Variants in ANKS1B observed in about 807,000 individuals in gnomAD.
ANKS1B encodes the protein ankyrin repeat and sterile alpha motif domain-containing protein 1B.
In ANKS1B, 36 loss-of-function variants were observed where a neutral mutation model predicts 148.3. That is an observed-to-expected ratio of 0.24 (90% CI 0.19 to 0.32). The LOEUF (loss-of-function observed/expected upper bound fraction) is 0.32, where lower values mean the gene tolerates loss of function less well. ANKS1B is among the 10% of genes least tolerant of loss of function. The pLI, the probability that ANKS1B is intolerant of heterozygous loss-of-function variation, is 1.00. For missense variants in ANKS1B, 1,157 were observed against 1,542.6 expected (o/e 0.75, Z 4.19); for synonymous variants, 542 against 560.8 (o/e 0.97, Z 0.47).
intron 15 of ANKS1B, among the ~76,000 whole-genome samples, chr12:99,088,056 T>G (rs1455149770): frequency 6.6e-6 from 1 of 152,168 alleles, no homozygotes; most frequent in East Asian, 1.9e-4. Context: ...TTGCCAAACA[T>G]TTTTGAAAAA....
chr12:99,779,759 T>C (rs2064062645), intron 6 of ANKS1B, 112 bp downstream of exon 6: 2 of 752,282 alleles, frequency 2.7e-6, no homozygotes, highest in South Asian at 1.6e-5. Context: ...AAAATAAAAC[T>C]AGTAAGTTTG....
intron 8 of ANKS1B, among the ~76,000 whole-genome samples, chr12:99,717,361 G>A (rs1415282163): frequency 6.6e-6 from 1 of 152,176 alleles, no homozygotes; most frequent in East Asian, 1.9e-4. Flanking sequence ...TCCACTGTGA[G>A]ACAAACCCCA....
chr12:98,855,498 C>T (rs757120913), intron 17 of ANKS1B, among the ~76,000 whole-genome samples: 3 of 152,062 alleles, frequency 2.0e-5, no homozygotes, highest in African/African-American at 2.4e-5. Context: ...TTTAATTTTA[C>T]GATGTTAAAA....
At position 99,895,044 on chromosome 12, in the gene ANKS1B, A is replaced by G. The variant is rs11110095; in HGVS notation, c.135-69655T>C. 5.4e-3 allele frequency among the ~76,000 whole-genome samples: 820 copies of G among 151,088 alleles called. 15 individuals are homozygous for G. Among genetic ancestry groups the G allele is most frequent in the African/African-American group, 0.019 (783 of 41,404 alleles). ...GTATAATAGTTAATTTTATATGTCA[A>G]TTTGGCTGATCCACAGTGCCCAGAT... On this transcript the variant is annotated intron_variant, in intron 1 of 26. Coordinates refer to ENST00000683438, the MANE Select transcript of ANKS1B (RefSeq NM_001352186.2).
intron 9 of ANKS1B, among the ~76,000 whole-genome samples, chr12:99,628,025 G>A (rs769996808): frequency 1.2e-4 from 19 of 152,164 alleles, no homozygotes; most frequent in Admixed American, 5.9e-4. Context: ...TGATTTCATC[G>A]TTGTATCAGC....
intron 12 of ANKS1B, among the ~76,000 whole-genome samples, chr12:99,251,594 C>T (rs564139391): frequency 1.3e-5 from 2 of 152,246 alleles, no homozygotes; most frequent in East Asian, 3.9e-4. Context: ...GCATCATTAG[C>T]ATTTCAAAGA....
intron 4 of ANKS1B, among the ~76,000 whole-genome samples, chr12:99,786,018 C>G (rs908688518): frequency 6.6e-6 from 1 of 152,122 alleles, no homozygotes; most frequent in African/African-American, 2.4e-5. Context: ...GGGGCATGAA[C>G]ATTTTATTTT....
intron 11 of ANKS1B, among the ~76,000 whole-genome samples, chr12:99,431,942 T>A (rs2095381168): frequency 1.3e-5 from 2 of 152,164 alleles, no homozygotes; most frequent in Admixed American, 6.6e-5. Flanking sequence ...AGATCTCTCA[T>A]GAATGGCTTG....
At chr12:98,872,729 C>T (rs1476503742) in intron 17 of ANKS1B, among the ~76,000 whole-genome samples, 2 of 152,088 alleles carry the variant, frequency 1.3e-5, no homozygotes, top group South Asian at 2.1e-4. Flanking sequence ...CGTGCTGATA[C>T]CTTGATCAGC....
At chr12:99,731,175 G>A (rs1195842649) in intron 8 of ANKS1B, among the ~76,000 whole-genome samples, 1 of 150,982 alleles carries the variant, frequency 6.6e-6, no homozygotes, top group African/African-American at 2.4e-5. Flanking sequence ...CTGGAGTGCA[G>A]TGGCACGATC....
At position 99,574,065 on chromosome 12, in the gene ANKS1B, T is replaced by C. The variant is rs1407767909; in HGVS notation, c.1273-69424A>G. Reference sequence around the variant, plus strand: ...TTTACAGGAATTGCCTTGACCAACATGACACCACACATCCAGTGTTTTGTC... The same window carrying C: ...TTTACAGGAATTGCCTTGACCAACACGACACCACACATCCAGTGTTTTGTC... On this transcript the variant is annotated intron_variant, in intron 9 of 26. Transcript: ENST00000683438. Among the ~76,000 whole-genome samples the C allele has an allele frequency of 3.3e-5, 5 of 152,246 alleles. No homozygotes were observed. In the South Asian group the frequency reaches 8.3e-4, roughly 25 times the overall value.
intron 14 of ANKS1B, among the ~76,000 whole-genome samples, chr12:99,215,889 G>A (rs1400775279): frequency 6.6e-6 from 1 of 152,150 alleles, no homozygotes; most frequent in African/African-American, 2.4e-5. Flanking sequence ...TGTTGGGAAG[G>A]CAAAATGGTT....
At chr12:99,322,557 A>G (rs1384334353) in intron 12 of ANKS1B, among the ~76,000 whole-genome samples, 2 of 152,092 alleles carry the variant, frequency 1.3e-5, no homozygotes, top group Non-Finnish European at 1.5e-5. Flanking sequence ...AAAACAAAAC[A>G]AAAAACAATA....
chr12:99,522,309 C>T (rs926662391), intron 9 of ANKS1B, among the ~76,000 whole-genome samples: 1 of 152,112 alleles, frequency 6.6e-6, no homozygotes, highest in African/African-American at 2.4e-5. Context: ...ATTTACAGCT[C>T]CAATGGGAAT....
Position 99,441,011 on chromosome 12 carries a change from T to C in ANKS1B, c.1575+2662A>G, listed in dbSNP as rs180964454. 1.8e-4 allele frequency among the ~76,000 whole-genome samples: 28 copies of C among 152,024 alleles called. 1 individual carries two copies. Among genetic ancestry groups the C allele is most frequent in the Admixed American group, 1.3e-3 (20 of 15,228 alleles). On this transcript the variant is annotated intron_variant, in intron 11 of 26. Coordinates refer to ENST00000683438, the MANE Select transcript of ANKS1B (RefSeq NM_001352186.2). Reference sequence around the variant, plus strand: ...TAAATTCATGAATAAGGGTCACATTTACATTTTTATTTTCAAAGTTCAACA... The same window carrying C: ...TAAATTCATGAATAAGGGTCACATTCACATTTTTATTTTCAAAGTTCAACA...
chr12:99,961,015 G>A (rs2095404342), intron 1 of ANKS1B, among the ~76,000 whole-genome samples: 2 of 152,140 alleles, frequency 1.3e-5, no homozygotes, highest in African/African-American at 2.4e-5. Flanking sequence ...ATCATCTGAG[G>A]TCAGGAATTC....
chr12:99,755,855 C>T (rs1170729812), intron 8 of ANKS1B, among the ~76,000 whole-genome samples: 1 of 151,830 alleles, frequency 6.6e-6, no homozygotes. Flanking sequence ...CAACAAAGAT[C>T]AAAGAAGGGC....
At chr12:99,321,419 C>T (rs2085248504) in intron 12 of ANKS1B, among the ~76,000 whole-genome samples, 1 of 152,222 alleles carries the variant, frequency 6.6e-6, no homozygotes, top group Admixed American at 6.5e-5. Flanking sequence ...CGCCCCTCCC[C>T]CAGCCTCGCT....
At chr12:99,745,586 C>T (rs969464345) in intron 8 of ANKS1B, among the ~76,000 whole-genome samples, 1 of 152,040 alleles carries the variant, frequency 6.6e-6, no homozygotes, top group African/African-American at 2.4e-5. Flanking sequence ...GGAAAAAGCA[C>T]TAAAATCATT....
Sources: gnomAD v4.1 joint callset for allele counts (sites outside exome capture counted in the v4.1 genomes callset) on GRCh38, gnomAD v4.1.1 for gene constraint, MANE v1.5 for transcripts, NCBI Gene and HGNC (gene_info 2026-07-23, HGNC 2026-07-21) for gene names.